FOXJ3: variants seen among roughly 807,000 people sequenced by gnomAD.
The protein encoded by FOXJ3 is forkhead box J3.
Under a neutral mutation model 76.1 loss-of-function variants are expected in FOXJ3, and 22 were observed. That is an observed-to-expected ratio of 0.29 (90% CI 0.21 to 0.41). The LOEUF is 0.41. Among genes scored for constraint, FOXJ3 ranks in the 10% least tolerant of loss-of-function variants. The probability of loss-of-function intolerance (pLI) is 1.00; values close to 1 mark genes in which losing one functional copy is unlikely to be tolerated. For synonymous variants in FOXJ3, 269 were observed against 261.2 expected (o/e 1.03, Z -0.29); for missense variants, 613 against 762.1 (o/e 0.80, Z 2.30).
chr1:42,325,644 T>A (rs72962239), intron 1 of FOXJ3, among the ~76,000 whole-genome samples: 1,620 of 152,326 alleles, frequency 0.011, 28 homozygotes, highest in African/African-American at 0.037. Flanking sequence ...TTATTAGAAA[T>A]CTGCCAAGGA....
intron 4 of FOXJ3, among the ~76,000 whole-genome samples, chr1:42,255,976 C>T (rs1246317013): frequency 1.3e-5 from 2 of 152,154 alleles, no homozygotes; most frequent in African/African-American, 2.4e-5. Flanking sequence ...GAGCCGAGAT[C>T]GCATCACTGC....
intron 4 of FOXJ3, among the ~76,000 whole-genome samples, chr1:42,235,369 G>T (rs962133513): frequency 6.6e-6 from 1 of 152,142 alleles, no homozygotes; most frequent in Non-Finnish European, 1.5e-5. Flanking sequence ...GTAATGCCTC[G>T]CCCTGCTTCG....
intron 2 of FOXJ3, among the ~76,000 whole-genome samples, chr1:42,285,509 G>A (rs998756792): frequency 1.5e-4 from 23 of 152,108 alleles, no homozygotes; most frequent in Non-Finnish European, 2.5e-4. Context: ...ACATGGGAGG[G>A]TGAGAGGTGA....
chr1:42,213,105 C>A (rs142656046), intron 5 of FOXJ3, among the ~76,000 whole-genome samples: 229 of 152,022 alleles, frequency 1.5e-3, no homozygotes, highest in African/African-American at 5.0e-3. Flanking sequence ...AAGGTTGATG[C>A]GCAAAAGAAT....
chr1:42,284,341 G>A (rs1337270728), intron 2 of FOXJ3, among the ~76,000 whole-genome samples: 1 of 152,236 alleles, frequency 6.6e-6, no homozygotes, highest in African/African-American at 2.4e-5. Flanking sequence ...TATGCCAACT[G>A]AGGCTAGTGC....
chr1:42,178,456 T>C lies in FOXJ3; in HGVS notation c.*1254A>G, dbSNP rs184385530. The C allele has an allele frequency of 1.6e-4, 24 of 152,226 alleles. No homozygotes were observed. Among genetic ancestry groups the C allele is most frequent in the African/African-American group, 5.8e-4 (24 of 41,464 alleles). The allele number at this position is 152,226 out of a possible 1,614,324, so 9.4% of individuals were successfully genotyped here. ...TGATGATAGAGAATGACACAATGTC[T>C]CTCTGAGTGTCTTATCTGTAAATTC... On this transcript the variant is annotated 3_prime_UTR_variant, in exon 13 of 13. Transcript: ENST00000361346.
chr1:42,278,468 A>G lies in FOXJ3; in HGVS notation c.249T>C (p.Tyr83=), dbSNP rs1252130879. 12 of 1,614,060 alleles carry G rather than the reference A, an allele frequency of 7.4e-6. No individual in the cohort carries two copies. Among genetic ancestry groups the G allele is most frequent in the African/African-American group, 1.3e-5 (1 of 74,930 alleles). Residue 83 remains tyrosine (Y), a synonymous_variant, in exon 3 of 13, where the codon TAT becomes TAC. Coordinates refer to ENST00000361346, the MANE Select transcript of FOXJ3 (RefSeq NM_014947.5). ...TAATTGCAAATGTAATGAGGCTGGC[A>G]TAACTGTATGGAGGTTTCCCATCTT... ...QHKDGKPPYS[Y]ASLITFAINS...
chr1:42,188,857 A>G lies in FOXJ3; in HGVS notation c.1525T>C (p.Cys509Arg). The change falls in exon 11 of 13, where the codon TGT becomes CGT. Residue 509 changes from cysteine (C) to arginine (R), a missense_variant. Transcript: ENST00000361346. Reference sequence around the variant, plus strand: ...GTAAAGAACTGATTAAGAGAAGAACAAAGATCGGCAAACTGAACCTGGTCT... The same window carrying G: ...GTAAAGAACTGATTAAGAGAAGAACGAAGATCGGCAAACTGAACCTGGTCT... ...SLDQVQFADL[C>R]SSLNQFFTQT... The G allele has an allele frequency of 6.2e-7, 1 of 1,613,508 alleles. No individual in the cohort carries two copies. Among genetic ancestry groups the G allele is most frequent in the Admixed American group, 1.7e-5 (1 of 59,964 alleles).
At chr1:42,267,748 A>T (rs1239144965) in intron 3 of FOXJ3, among the ~76,000 whole-genome samples, 1 of 152,188 alleles carries the variant, frequency 6.6e-6, no homozygotes, top group Non-Finnish European at 1.5e-5. Context: ...AAAGAGATGG[A>T]GAATTTCAAC....
At chr1:42,227,331 A>G (rs928811079) in intron 5 of FOXJ3, among the ~76,000 whole-genome samples, 3 of 152,246 alleles carry the variant, frequency 2.0e-5, no homozygotes, top group Admixed American at 2.0e-4. Flanking sequence ...AAAATATGTT[A>G]AAATAGACAA....
intron 2 of FOXJ3, among the ~76,000 whole-genome samples, chr1:42,306,862 A>G (rs1654505368): frequency 6.6e-6 from 1 of 152,218 alleles, no homozygotes; most frequent in South Asian, 2.1e-4. Context: ...CATCTTAGAA[A>G]ATATCTTCTT....
chr1:42,184,579 G>C (rs1260631246), intron 11 of FOXJ3, among the ~76,000 whole-genome samples: 1 of 152,040 alleles, frequency 6.6e-6, no homozygotes, highest in Non-Finnish European at 1.5e-5. Flanking sequence ...CACTGCTCGA[G>C]GCACTATGGA....
chr1:42,184,522 T>C (rs1646394980), intron 11 of FOXJ3, among the ~76,000 whole-genome samples: 1 of 152,114 alleles, frequency 6.6e-6, no homozygotes, highest in South Asian at 2.1e-4. Flanking sequence ...TTCCTGAATT[T>C]CCTATGTAAG....
chr1:42,203,198 A>G (rs1029844009), intron 6 of FOXJ3, among the ~76,000 whole-genome samples: 1 of 152,020 alleles, frequency 6.6e-6, no homozygotes, highest in Non-Finnish European at 1.5e-5. Flanking sequence ...TCTCTGGTAA[A>G]TTTTCTATAA....
At position 42,278,544 on chromosome 1, in the gene FOXJ3, G is replaced by C. The variant is rs1368813300; in HGVS notation, c.173C>G (p.Ala58Gly). The C allele has an allele frequency of 1.9e-6, 3 of 1,614,106 alleles. No individual in the cohort carries two copies. Among genetic ancestry groups the C allele is most frequent in the Non-Finnish European group, 2.5e-6 (3 of 1,179,944 alleles). Residue 58 changes from alanine (A) to glycine (G), a missense_variant, in exon 3 of 13, where the codon GCA becomes GGA. Ala to Gly is a moderately conservative substitution (Grantham distance 60). Around this residue, in one of 3 missense-constraint regions of FOXJ3, gnomAD observed 77 missense variants for 115.1 expected, o/e 0.67. Transcript: ENST00000361346. ...AHGTGISKKN[A>G]LLDPNTTLDQ... Reference sequence around the variant, plus strand: ...CAGAGTTGTATTTGGGTCAAGGAGTGCATTCTTCTTAGAAATTCCTGTTCC... The same window carrying C: ...CAGAGTTGTATTTGGGTCAAGGAGTCCATTCTTCTTAGAAATTCCTGTTCC...
chr1:42,297,273 C>A (rs1263209119), intron 2 of FOXJ3, among the ~76,000 whole-genome samples: 2 of 152,108 alleles, frequency 1.3e-5, no homozygotes, highest in African/African-American at 4.8e-5. Context: ...CTTTCTCTTG[C>A]CTAATTGCTC....
intron 7 of FOXJ3, among the ~76,000 whole-genome samples, chr1:42,197,671 TAAAA>T (rs531308196): frequency 6.9e-6 from 1 of 144,758 alleles, no homozygotes; most frequent in Non-Finnish European, 1.5e-5. Flanking sequence ...TTTTTTTCTT[TAAAA>T]AAAAAAAAGA....
rs972705242 is a variant in FOXJ3 at position 42,180,486 on chromosome 1, C to A, written c.1754-661G>T. 3.3e-4 allele frequency among the ~76,000 whole-genome samples: 50 copies of A among 152,250 alleles called. 1 individual carries two copies. The highest frequency in any genetic ancestry group is 2.5e-3 in the South Asian group (12 of 4,820). On this transcript the variant is annotated intron_variant, in intron 12 of 12. Transcript: ENST00000361346. ...AGACCCCCCCCTTCTAAACCAGCTGCTTTTTAAAAGTAGAGGTTGATATTT... is the reference window on the plus strand; with the variant it reads ...AGACCCCCCCCTTCTAAACCAGCTGATTTTTAAAAGTAGAGGTTGATATTT...
At chr1:42,254,237 G>C (rs1358082505) in intron 4 of FOXJ3, among the ~76,000 whole-genome samples, 9 of 150,448 alleles carry the variant, frequency 6.0e-5, no homozygotes, top group African/African-American at 1.7e-4. Context: ...CTGGCCATCA[G>C]AGAAATGCAA....
Sources: gnomAD v4.1 joint callset for allele counts (sites outside exome capture counted in the v4.1 genomes callset) on GRCh38, gnomAD v4.1.1 for gene constraint, gnomAD v4.1.1 regional missense constraint, MANE v1.5 for transcripts, NCBI Gene and HGNC (gene_info 2026-07-23, HGNC 2026-07-21) for gene names.